GMPR: variants seen among roughly 807,000 people sequenced by gnomAD.
GMPR encodes guanosine monophosphate reductase, also known as GMP reductase 1.
Under a neutral mutation model 38.4 loss-of-function variants are expected in GMPR, and 31 were observed. That is an observed-to-expected ratio of 0.81 (90% CI 0.61 to 1.09). The LOEUF is 1.09. Among genes scored for constraint, GMPR ranks in the 50% least tolerant of loss-of-function variants. GMPR has a pLI of 0.00. For missense variants in GMPR, 468 were observed against 453.7 expected (o/e 1.03, Z -0.29); for synonymous variants, 162 against 173.3 (o/e 0.93, Z 0.51).
intron 4 of GMPR, among the ~76,000 whole-genome samples, chr6:16,265,868 C>T (rs1446519216): frequency 2.6e-5 from 4 of 152,236 alleles, no homozygotes; most frequent in African/African-American, 7.2e-5. Flanking sequence ...CTCTTTGGGT[C>T]CACGCGACGT....
chr6:16,269,690 G>C (rs1390786812), intron 4 of GMPR, among the ~76,000 whole-genome samples: 1 of 152,132 alleles, frequency 6.6e-6, no homozygotes, highest in Non-Finnish European at 1.5e-5. Context: ...CCAGCTACTC[G>C]GGAGGCTGAG....
At chr6:16,268,993 TAAAA>T (rs1218404229) in intron 4 of GMPR, among the ~76,000 whole-genome samples, 1 of 151,624 alleles carries the variant, frequency 6.6e-6, no homozygotes, top group African/African-American at 2.4e-5. Flanking sequence ...ACGAAAAAAA[TAAAA>T]ATTATTTAAA....
intron 7 of GMPR, among the ~76,000 whole-genome samples, chr6:16,289,301 C>G (rs1759776480): frequency 2.0e-5 from 3 of 152,190 alleles, no homozygotes; most frequent in South Asian, 2.1e-4. Flanking sequence ...GACCAAGAAC[C>G]CACCAGTTCC....
chr6:16,265,409 C>T (rs188915498), intron 4 of GMPR, among the ~76,000 whole-genome samples: 103 of 152,306 alleles, frequency 6.8e-4, no homozygotes, highest in African/African-American at 2.1e-3. Flanking sequence ...CTTGCCTGAG[C>T]CTGCAAATTT....
At chr6:16,269,490 C>CT (rs755207238) in intron 4 of GMPR, among the ~76,000 whole-genome samples, 1 of 152,124 alleles carries the variant, frequency 6.6e-6, no homozygotes, top group Non-Finnish European at 1.5e-5. Context: ...AACTGAATAG[C>CT]TTATATTATA....
At chr6:16,240,718 T>A (rs1758632130) in intron 1 of GMPR, among the ~76,000 whole-genome samples, 1 of 152,222 alleles carries the variant, frequency 6.6e-6, no homozygotes, top group South Asian at 2.1e-4. Flanking sequence ...ACACTTGGCT[T>A]CATAATTTGG....
At position 16,274,403 on chromosome 6, in the gene GMPR, T is replaced by C; in HGVS notation, c.466-12T>C. ...TAGTTCATGATCATCAGCTGTATTC[T>C]TTCTGTCTCAGGCAGGGAACGTGGT... On this transcript the variant is annotated splice_polypyrimidine_tract_variant and intron_variant, in intron 4 of 8. Coordinates refer to ENST00000259727, the MANE Select transcript of GMPR (RefSeq NM_006877.4). 1 of 1,538,532 alleles carries C rather than the reference T, an allele frequency of 6.5e-7. No individual in the cohort carries two copies. The highest frequency in any genetic ancestry group is 9.0e-7 in the Non-Finnish European group (1 of 1,111,126).
chr6:16,267,218 A>G (rs1356870311), intron 4 of GMPR, among the ~76,000 whole-genome samples: 2 of 151,984 alleles, frequency 1.3e-5, no homozygotes, highest in Admixed American at 6.6e-5. Flanking sequence ...AAAAAAAAGA[A>G]AAAATTAGTC....
Position 16,255,469 on chromosome 6 carries a change from C to T in GMPR, c.465+734C>T, listed in dbSNP as rs78686467. Among the ~76,000 whole-genome samples, 88 of 152,298 alleles carry T rather than the reference C, an allele frequency of 5.8e-4. 3 individuals are homozygous for T. The East Asian group carries it at 0.014, about 24-fold the overall frequency. On this transcript the variant is annotated intron_variant, in intron 4 of 8. Transcript: ENST00000259727. ...CTCTGCTGTAGGAATTGGGAGTCTA[C>T]GTTATGAACATTTCACGACAGTCTA...
intron 4 of GMPR, among the ~76,000 whole-genome samples, chr6:16,258,677 G>C (rs953397703): frequency 6.6e-6 from 1 of 152,240 alleles, no homozygotes; most frequent in East Asian, 1.9e-4. Flanking sequence ...GCTGTTCTGT[G>C]CCTGCATTGA....
intron 4 of GMPR, among the ~76,000 whole-genome samples, chr6:16,266,155 TTGC>T (rs1759212659): frequency 8.2e-6 from 1 of 122,030 alleles, no homozygotes; most frequent in Admixed American, 7.6e-5. Flanking sequence ...GCTGTAACAC[TTGC>T]CATCTTTAAG....
intron 1 of GMPR, among the ~76,000 whole-genome samples, chr6:16,241,360 C>G (rs748582038): frequency 6.6e-6 from 1 of 152,170 alleles, no homozygotes; most frequent in East Asian, 1.9e-4. Flanking sequence ...GTGATCTCCC[C>G]CTCAGAAGCT....
intron 5 of GMPR, among the ~76,000 whole-genome samples, chr6:16,277,885 A>T (rs1177734251): frequency 2.6e-5 from 4 of 152,094 alleles, no homozygotes; most frequent in Admixed American, 2.6e-4. Context: ...TTGGAGAAGC[A>T]GTGGGGAGGG....
rs150485998 is a variant in GMPR, at chr6:16,246,854, C to G, written c.100C>G (p.Arg34Gly). ...LKSRAEVDLE[R>G]TFTFRNSKQT... ...TTTTGGCCAACAGGTGGATCTTGAA[C>G]GCACCTTCACGTTTCGAAATTCAAA... Residue 34 changes from arginine to glycine, a missense_variant, in exon 2 of 9, where the codon CGC becomes GGC. Physicochemically the swap from Arg to Gly is moderately radical, Grantham distance 125. Transcript: ENST00000259727. The G allele has an allele frequency of 6.2e-7, 1 of 1,612,466 alleles. No homozygotes were observed. Among genetic ancestry groups the G allele is most frequent in the African/African-American group, 1.3e-5 (1 of 74,794 alleles).
At chr6:16,280,592 C>T (rs1443125486) in intron 6 of GMPR, among the ~76,000 whole-genome samples, 2 of 152,194 alleles carry the variant, frequency 1.3e-5, no homozygotes, top group Non-Finnish European at 2.9e-5. Flanking sequence ...TTATTCAACT[C>T]ACGGGAGCGG....
chr6:16,285,204 A>G (rs1175307988), intron 6 of GMPR, among the ~76,000 whole-genome samples: 2 of 152,172 alleles, frequency 1.3e-5, no homozygotes, highest in Non-Finnish European at 2.9e-5. Flanking sequence ...TGTGGTCTGC[A>G]TGGGCAGTGT....
At chr6:16,289,762 A>G (rs1321983848) in intron 7 of GMPR, among the ~76,000 whole-genome samples, 1 of 151,408 alleles carries the variant, frequency 6.6e-6, no homozygotes, top group Non-Finnish European at 1.5e-5. Context: ...AGCTTCAAGT[A>G]CAGACCAGAC....
At chr6:16,294,887 G>T in intron 8 of GMPR, 119 bp from the exon 9 acceptor site, 1 of 728,136 alleles carries the variant, frequency 1.4e-6, no homozygotes, top group South Asian at 1.6e-5. Flanking sequence ...AGAGGGTGGG[G>T]TCTGGTTTTC....
At chr6:16,261,065 G>T (rs918626412) in intron 4 of GMPR, among the ~76,000 whole-genome samples, 5 of 150,496 alleles carry the variant, frequency 3.3e-5, no homozygotes, top group African/African-American at 1.2e-4. Flanking sequence ...GTATTAGGAC[G>T]GCGGCAGCCG....
Sources: allele counts gnomAD v4.1 joint callset (sites outside exome capture counted in the v4.1 genomes callset), GRCh38; gene constraint gnomAD v4.1.1; transcripts MANE v1.5; gene names NCBI Gene and HGNC (gene_info 2026-07-23, HGNC 2026-07-21).